Variants in ZSCAN1 observed in about 807,000 individuals in gnomAD.
ZSCAN1 encodes the protein zinc finger and SCAN domain-containing protein 1.
Under a neutral mutation model 23.8 loss-of-function variants are expected in ZSCAN1, and 23 were observed. The ratio of observed to expected loss-of-function variants is 0.97; its 90% CI spans 0.70 to 1.37. The LOEUF (loss-of-function observed/expected upper bound fraction) is 1.37, where lower values mean the gene tolerates loss of function less well. Ranked by LOEUF, ZSCAN1 falls within the 40% of genes most tolerant of loss-of-function variation. The pLI is 0.00. For synonymous variants in ZSCAN1, 236 were observed against 232.3 expected, an observed-to-expected ratio of 1.02 and a Z score of -0.15; for missense variants, 575 against 554.0, an observed-to-expected ratio of 1.04 and a Z score of -0.38.
In ZSCAN1 at chr19:58,053,457, G is replaced by C. The variant is rs758101086; in HGVS notation, c.633G>C (p.Pro211=). Residue 211 remains proline, a synonymous_variant, in exon 6 of 6, where the codon CCG becomes CCC. Transcript: ENST00000282326. This position sits in a 1 kb window ranked among gnomAD's most constrained non-coding sequence, Gnocchi z 5.8. ...LGSRARLPLK[P]SIWDEPEDLL... ...CCCGGGCCCGCTTGCCTCTGAAGCC[G>C]AGTATCTGGGACGAGCCTGAGGACC... is the stretch of plus-strand genomic sequence containing the variant. 1.9e-6 allele frequency: 3 copies of C among 1,611,932 alleles called. No homozygotes were observed. Among genetic ancestry groups the C allele is most frequent in the Non-Finnish European group, 2.5e-6 (3 of 1,178,404 alleles).
In ZSCAN1 at chr19:58,053,687, G is replaced by A. The variant is rs570942741; in HGVS notation, c.863G>A (p.Gly288Asp). ...GISVVPRGPR[G>D]GRPFQCADCG... ...TCGGTAGTGCCGCGTGGGCCCCGAG[G>A]TGGGCGGCCCTTCCAGTGTGCCGAC... is the stretch of plus-strand genomic sequence containing the variant. The change falls in exon 6 of 6, where the codon GGT becomes GAT. Residue 288 changes from glycine to aspartate, a missense_variant. Transcript: ENST00000282326. This position sits in a 1 kb window ranked among gnomAD's most constrained non-coding sequence, Gnocchi z 5.8. 6.2e-7 allele frequency: 1 copy of A among 1,614,178 alleles called. No individual in the cohort carries two copies. Among genetic ancestry groups the A allele is most frequent in the Admixed American group, 1.7e-5 (1 of 60,030 alleles).
chr19:58,043,015 G>A lies in ZSCAN1; in HGVS notation c.465+2471G>A, dbSNP rs565185646. On this transcript the variant is annotated intron_variant, in intron 4 of 5. Coordinates refer to ENST00000282326, the MANE Select transcript of ZSCAN1 (RefSeq NM_182572.4). ...CCGCGTGGAGAGACGGCAGCTCCGG[G>A]ATCGGGGCGCTGGTGAGCGCGGCCC... 2.0e-5 allele frequency among the ~76,000 whole-genome samples: 3 copies of A among 152,400 alleles called. No individual in the cohort carries two copies. In the East Asian group the frequency reaches 5.8e-4, roughly 29 times the overall value.
chr19:58,044,429 A>G (rs2123430282), intron 4 of ZSCAN1, among the ~76,000 whole-genome samples: 1 of 151,598 alleles, frequency 6.6e-6, no homozygotes, highest in East Asian at 2.0e-4. Context: ...AACCAAAAAC[A>G]TCGAAGCTGG....
intron 2 of ZSCAN1, 103 bp from the exon 3 acceptor site, chr19:58,037,625 G>A (rs1439608545): frequency 1.9e-6 from 1 of 531,208 alleles, no homozygotes; most frequent in South Asian, 3.8e-5. Flanking sequence ...TTGGTTCCTT[G>A]GGGTGCTGGA....
intron 5 of ZSCAN1, 111 bp downstream of exon 5, chr19:58,052,739 A>G (rs2073866079): frequency 1.4e-6 from 2 of 1,427,984 alleles, no homozygotes; most frequent in Admixed American, 2.5e-5. Flanking sequence ...GGTGAACTCC[A>G]CACTTCCCCC....
At chr19:58,037,701 C>T in intron 2 of ZSCAN1, 27 bp from the exon 3 acceptor site, 2 of 1,119,244 alleles carry the variant, frequency 1.8e-6, no homozygotes, top group East Asian at 2.7e-5. Flanking sequence ...TCTGATGTGA[C>T]CCCTCTGTCC....
rs1392710421 is a variant in ZSCAN1, at chr19:58,038,152, T to G, written c.316T>G (p.Cys106Gly). Reference sequence around the variant, plus strand: ...GGTGCAGTCACAGGGCCCCCGAAGCTGCAGGGAGGCCGCCAGCCTGGTGGA... The same window carrying G: ...GGTGCAGTCACAGGGCCCCCGAAGCGGCAGGGAGGCCGCCAGCCTGGTGGA... ...TWVQSQGPRS[C>G]REAASLVEDL... The change falls in exon 3 of 6, where the codon TGC becomes GGC. Residue 106 changes from cysteine (C) to glycine (G), a missense_variant. Coordinates refer to ENST00000282326, the MANE Select transcript of ZSCAN1 (RefSeq NM_182572.4). 12 of 1,609,046 alleles carry G rather than the reference T, an allele frequency of 7.5e-6. No individual in the cohort carries two copies. The highest frequency in any genetic ancestry group is 1.0e-5 in the Non-Finnish European group (12 of 1,179,124).
At chr19:58,043,159 C>T (rs975468294) in intron 4 of ZSCAN1, among the ~76,000 whole-genome samples, 1 of 152,252 alleles carries the variant, frequency 6.6e-6, no homozygotes. Context: ...CGGGGCAGCC[C>T]GGCTCGCCAG....
rs769979733 is a variant in ZSCAN1 at position 58,054,103 on chromosome 19, G to C, written c.*52G>C. Reference sequence around the variant, plus strand: ...CGGCCCTGAGTCCCTGGGGGGAGCTGATGGGCCCCAGAAGATGGGGGACAT... The same window carrying C: ...CGGCCCTGAGTCCCTGGGGGGAGCTCATGGGCCCCAGAAGATGGGGGACAT... On this transcript the variant is annotated 3_prime_UTR_variant, in exon 6 of 6. Coordinates refer to ENST00000282326, the MANE Select transcript of ZSCAN1 (RefSeq NM_182572.4). The surrounding 1 kb of genome is among the most constrained non-coding windows in gnomAD (Gnocchi z 4.2). 6.9e-7 allele frequency: 1 copy of C among 1,439,178 alleles called. No individual in the cohort carries two copies. The highest frequency in any genetic ancestry group is 1.5e-5 in the South Asian group (1 of 67,734). 89.2% of individuals were successfully genotyped at this position (1,439,178 alleles called of 1,614,324 possible).
Position 58,045,404 on chromosome 19 carries a change from G to A in ZSCAN1, c.465+4860G>A. ...ACACCATCCAGGAGATGGCCTTGAA[G>A]AACGAGGCAGCCAAGGGCAGTGCCA... is the stretch of plus-strand genomic sequence containing the variant. On this transcript the variant is annotated intron_variant, in intron 4 of 5. Transcript: ENST00000282326. This position sits in a 1 kb window ranked among gnomAD's most constrained non-coding sequence, Gnocchi z 4.3. 1 of 971,686 alleles carries A rather than the reference G, an allele frequency of 1.0e-6. No individual in the cohort carries two copies. The highest frequency in any genetic ancestry group is 1.7e-6 in the Non-Finnish European group (1 of 592,948). The allele number at this position is 971,686 out of a possible 1,614,324, so 60.2% of individuals were successfully genotyped here. A position where few individuals can be genotyped will look rare whatever the true frequency, so the allele number is the denominator to read the frequency against.
chr19:58,041,400 C>G (rs2073788600), intron 4 of ZSCAN1, among the ~76,000 whole-genome samples: 2 of 152,206 alleles, frequency 1.3e-5, no homozygotes, highest in Non-Finnish European at 2.9e-5. Context: ...AAGGGGCACA[C>G]ATTGGGAAAC....
rs777787392 is a variant in ZSCAN1 at position 58,038,343 on chromosome 19, C to T, written c.370+137C>T. ...CGACCAGCAAACCTCTCCTGCCCCG[C>T]GGCTGTGTTTTTAATTATTTTTACA... On this transcript the variant is annotated intron_variant, in intron 3 of 5. Coordinates refer to ENST00000282326, the MANE Select transcript of ZSCAN1 (RefSeq NM_182572.4). 1.2e-4 allele frequency: 143 copies of T among 1,145,198 alleles called. 2 individuals carry two copies. Among genetic ancestry groups the T allele is most frequent in the Non-Finnish European group, 1.6e-4 (129 of 825,948 alleles). 70.9% of individuals were successfully genotyped at this position (1,145,198 alleles called of 1,614,324 possible).
rs552787800 is a variant in ZSCAN1 at position 58,040,120 on chromosome 19, C to T, written c.371-330C>T. ...TCTGTGCACTCTGTGCACACAGCCC[C>T]GGGGGGCTTGGGGAGCAGAGGGCTC... On this transcript the variant is annotated intron_variant, in intron 3 of 5. Coordinates refer to ENST00000282326, the MANE Select transcript of ZSCAN1 (RefSeq NM_182572.4). This position sits in a 1 kb window ranked among gnomAD's most constrained non-coding sequence, Gnocchi z 5.8. Among the ~76,000 whole-genome samples the T allele has an allele frequency of 6.6e-6, 1 of 152,284 alleles. No homozygotes were observed. Among genetic ancestry groups the T allele is most frequent in the African/African-American group, 2.4e-5 (1 of 41,576 alleles).
At position 58,040,930 on chromosome 19, in the gene ZSCAN1, T is replaced by G. The variant is rs950346824; in HGVS notation, c.465+386T>G. On this transcript the variant is annotated intron_variant, in intron 4 of 5. Coordinates refer to ENST00000282326, the MANE Select transcript of ZSCAN1 (RefSeq NM_182572.4). This position sits in a 1 kb window ranked among gnomAD's most constrained non-coding sequence, Gnocchi z 5.8. The stretch of plus-strand genomic sequence containing the variant: ...GATTCTGGGCGGGCCCAGAAGGAAA[T>G]GCTGAGGGCTCCCCTGCAGCTAGAC... Among the ~76,000 whole-genome samples, 2 of 152,112 alleles carry G rather than the reference T, an allele frequency of 1.3e-5. No individual in the cohort carries two copies. The highest frequency in any genetic ancestry group is 2.9e-5 in the Non-Finnish European group (2 of 68,030).
chr19:58,038,309 G>A lies in ZSCAN1; in HGVS notation c.370+103G>A, dbSNP rs753356060. On this transcript the variant is annotated intron_variant, in intron 3 of 5. Transcript: ENST00000282326. ...GCCCACATCGCTCCCACCCCTGCCCGGCCCCTCCCGACCAGCAAACCTCTC... is the reference window on the plus strand; with the variant it reads ...GCCCACATCGCTCCCACCCCTGCCCAGCCCCTCCCGACCAGCAAACCTCTC... 3.9e-6 allele frequency: 5 copies of A among 1,286,432 alleles called. No homozygotes were observed. In the African/African-American group the frequency reaches 4.6e-5, roughly 12 times the overall value. The allele number at this position is 1,286,432 out of a possible 1,614,324, so 79.7% of individuals were successfully genotyped here.
At position 58,038,120 on chromosome 19, in the gene ZSCAN1, G is replaced by A. The variant is rs767003885; in HGVS notation, c.284G>A (p.Arg95Gln). ...CTGGGCGCGCTGCCCAGCAAGATGC[G>A]GACCTGGGTGCAGTCACAGGGCCCC... The part of the protein sequence containing the change: ...QFLGALPSKM[R>Q]TWVQSQGPRS... Residue 95 changes from arginine to glutamine, a missense_variant, in exon 3 of 6, where the codon CGG (arginine) becomes CAG (glutamine). Coordinates refer to ENST00000282326, the MANE Select transcript of ZSCAN1 (RefSeq NM_182572.4). The A allele has an allele frequency of 1.4e-5, 22 of 1,610,366 alleles. No individual in the cohort carries two copies. In the East Asian group the frequency reaches 3.6e-4, roughly 26 times the overall value.
At position 58,035,212 on chromosome 19, in the gene ZSCAN1, GC is replaced by G. The variant is rs1013377950; in HGVS notation, c.-151-756del. On this transcript the variant is annotated intron_variant, in intron 1 of 5. Transcript: ENST00000282326. ...GGGGGGGCCCAGATCCTCCTCACCAGCCATGTAGACCTCAGTCCCCTTCACA... is the reference window on the plus strand; with the variant it reads ...GGGGGGGCCCAGATCCTCCTCACCAGCATGTAGACCTCAGTCCCCTTCACA... Among the ~76,000 whole-genome samples the G allele has an allele frequency of 1.9e-3, 290 of 152,170 alleles. 1 individual carries two copies. Among genetic ancestry groups the G allele is most frequent in the African/African-American group, 6.6e-3 (276 of 41,520 alleles).
At chr19:58,050,527 T>A (rs935792553) in intron 4 of ZSCAN1, among the ~76,000 whole-genome samples, 1 of 152,116 alleles carries the variant, frequency 6.6e-6, no homozygotes, top group Non-Finnish European at 1.5e-5. Flanking sequence ...TCTTGTTTCA[T>A]TTTGTTTTGT....
At chr19:58,055,605 GC>G (rs2073885567), downstream of ZSCAN1, among the ~76,000 whole-genome samples, 1 of 152,306 alleles carries the variant, frequency 6.6e-6, no homozygotes, top group Admixed American at 6.5e-5. Context: ...ACTCTCGGAA[GC>G]CCCCCTGAGC....
Sources: gnomAD v4.1 joint callset for allele counts (sites outside exome capture counted in the v4.1 genomes callset) on GRCh38, gnomAD v4.1.1 for gene constraint, Gnocchi (gnomAD v3.1) non-coding constraint, MANE v1.5 for transcripts, NCBI Gene and HGNC (gene_info 2026-07-23, HGNC 2026-07-21) for gene names.